The following POLR3D variants were observed in gnomAD, a reference collection of about 807,000 sequenced individuals.
The protein encoded by POLR3D is RNA polymerase III subunit D.
POLR3D carries 42 observed loss-of-function variants against 44.5 expected under a neutral mutation model. The ratio of observed to expected loss-of-function variants is 0.94; its 90% confidence interval spans 0.74 to 1.22. The LOEUF (loss-of-function observed/expected upper bound fraction) is 1.22, where lower values mean the gene tolerates loss of function less well. POLR3D is among the 50% of genes most tolerant of loss of function. The probability of loss-of-function intolerance (pLI) is 0.00; values close to 1 mark genes in which losing one functional copy is unlikely to be tolerated. For synonymous variants in POLR3D, 217 were observed against 198.1 expected (o/e 1.10, Z -0.80); for missense variants, 507 against 505.2 (o/e 1.00, Z -0.03).
intron 3 of POLR3D, among the ~76,000 whole-genome samples, chr8:22,247,579 C>T (rs1042562468): frequency 6.6e-6 from 1 of 152,132 alleles, no homozygotes; most frequent in Non-Finnish European, 1.5e-5. Flanking sequence ...CACACTTTCC[C>T]TGAAGTTCCT....
chr8:22,245,200 C>T lies in POLR3D; in HGVS notation c.-6+17C>T. ...GCGTTGCAGGTGAGGTTGTGACGCG[C>T]GGTGTGGAGCCGCGGCCCGGGTGCG... On this transcript the variant is annotated intron_variant, in intron 1 of 8. Coordinates refer to ENST00000306433, the MANE Select transcript of POLR3D (RefSeq NM_001722.3). 1.8e-6 allele frequency: 1 copy of T among 564,574 alleles called. No homozygotes were observed. Among genetic ancestry groups the T allele is most frequent in the Non-Finnish European group, 3.2e-6 (1 of 309,142 alleles). The allele number at this position is 564,574 out of a possible 1,614,324, so 35.0% of individuals were successfully genotyped here.
intron 3 of POLR3D, 58 bp downstream of exon 3, chr8:22,247,322 C>A: frequency 7.4e-7 from 1 of 1,355,506 alleles, no homozygotes; most frequent in Non-Finnish European, 1.0e-6. Context: ...GAATTTGGGG[C>A]TTTGGGGGAA....
chr8:22,246,166 C>A (rs1002475428), intron 2 of POLR3D, among the ~76,000 whole-genome samples: 15 of 152,182 alleles, frequency 9.9e-5, no homozygotes, highest in Admixed American at 2.0e-4. Flanking sequence ...TCGCCGTTGT[C>A]CCCCAGGCTG....
At position 22,248,192 on chromosome 8, in the gene POLR3D, CCTT is replaced by C; in HGVS notation, c.403_405del (p.Ser135del). The C allele has an allele frequency of 6.2e-7, 1 of 1,614,078 alleles. No individual in the cohort carries two copies. Among genetic ancestry groups the C allele is most frequent in the Non-Finnish European group, 8.5e-7 (1 of 1,179,974 alleles). ...GACAGTGGATGTGTCAGACATGGGACCTTCTCATATCATCAACATCAAAAAAGA... is the reference window on the plus strand; with the variant it reads ...GACAGTGGATGTGTCAGACATGGGACCTCATATCATCAACATCAAAAAAGA... On this transcript the variant is annotated inframe_deletion, in exon 5 of 9. Transcript: ENST00000306433.
At chr8:22,247,384 A>C in intron 3 of POLR3D, 120 bp downstream of exon 3, 1 of 697,422 alleles carries the variant, frequency 1.4e-6, no homozygotes, top group Non-Finnish European at 2.5e-6. Context: ...AGTTCTTTTC[A>C]CTAGTGATTT....
intron 2 of POLR3D, 112 bp from the exon 3 acceptor site, chr8:22,247,109 G>A: frequency 8.2e-6 from 6 of 728,044 alleles, no homozygotes; most frequent in Admixed American, 2.3e-5. Context: ...ATGTGCCAAC[G>A]AGAGCCGTGG....
rs868459368 is a variant in POLR3D, at chr8:22,249,192, T to C, written c.804T>C (p.Phe268=). 6.2e-7 allele frequency: 1 copy of C among 1,614,020 alleles called. No individual in the cohort carries two copies. The highest frequency in any genetic ancestry group is 1.6e-4 in the Middle Eastern group (1 of 6,062). ...LSLTKEEELL[F]LQLPDTLPGQ... is the part of the protein sequence containing the mutation. ...TCACCAAGGAAGAGGAACTGCTGTT[T>C]CTGCAGCTGCCAGACACCCTCCCTG... The change falls in exon 7 of 9, where the codon TTT becomes TTC. Residue 268 remains phenylalanine, a synonymous_variant. Coordinates refer to ENST00000306433, the MANE Select transcript of POLR3D (RefSeq NM_001722.3).
In POLR3D at chr8:22,251,525, A is replaced by G. The variant is rs1051498873; in HGVS notation, c.*1007A>G. The G allele has an allele frequency of 6.5e-6, 1 of 153,746 alleles. No homozygotes were observed. Among genetic ancestry groups the G allele is most frequent in the Non-Finnish European group, 1.5e-5 (1 of 68,042 alleles). The allele number at this position is 153,746 out of a possible 1,614,324, so 9.5% of individuals were successfully genotyped here. A position where few individuals can be genotyped will look rare whatever the true frequency, so the allele number is the denominator to read the frequency against. ...TGAGCCGAAGTCATATATTGCTAAC[A>G]AAAAAACTAAATCCTTCATAAGAGA... is the stretch of plus-strand genomic sequence containing the variant. On this transcript the variant is annotated 3_prime_UTR_variant, in exon 9 of 9. Coordinates refer to ENST00000306433, the MANE Select transcript of POLR3D (RefSeq NM_001722.3).
chr8:22,248,725 C>A, intron 6 of POLR3D, 76 bp downstream of exon 6: 2 of 1,417,184 alleles, frequency 1.4e-6, no homozygotes, highest in Non-Finnish European at 2.0e-6. Context: ...GCATCCCTTG[C>A]ATGTGCCCCT....
Position 22,247,152 on chromosome 8 carries a change from A to T in POLR3D, c.166-69A>T, listed in dbSNP as rs1404666502. The stretch of plus-strand genomic sequence containing the variant: ...GGTCTGTAGAAGATGCCCTTTGGGA[A>T]TTTTTATTTTCCTCTGTACTTTGGG... On this transcript the variant is annotated intron_variant, in intron 2 of 8. Coordinates refer to ENST00000306433, the MANE Select transcript of POLR3D (RefSeq NM_001722.3). 7.2e-6 allele frequency: 9 copies of T among 1,245,628 alleles called. No individual in the cohort carries two copies. In the Admixed American group the frequency reaches 1.7e-4, roughly 23 times the overall value. The allele number at this position is 1,245,628 out of a possible 1,614,324, so 77.2% of individuals were successfully genotyped here.
chr8:22,253,770 G>A lies in POLR3D; in HGVS notation c.*3252G>A, dbSNP rs1183165991. The A allele has an allele frequency of 1.3e-5, 2 of 152,150 alleles. No homozygotes were observed. The highest frequency in any genetic ancestry group is 2.9e-5 in the Non-Finnish European group (2 of 68,048). The allele number at this position is 152,150 out of a possible 1,614,324, so 9.4% of individuals were successfully genotyped here. A position where few individuals can be genotyped will look rare whatever the true frequency, so the allele number is the denominator to read the frequency against. ...TGGCTTACTGCAACTCTGTCTCCCA[G>A]GTTCAAGTGATCCTCCCGCCTCAGC... On this transcript the variant is annotated 3_prime_UTR_variant, in exon 9 of 9. Coordinates refer to ENST00000306433, the MANE Select transcript of POLR3D (RefSeq NM_001722.3).
At chr8:22,245,725 C>T (rs1369541730) in intron 2 of POLR3D, 111 bp downstream of exon 2, 8 of 657,180 alleles carry the variant, frequency 1.2e-5, no homozygotes, top group Non-Finnish European at 1.5e-5. Flanking sequence ...CGTTGGGCCT[C>T]TCAAGCCTAC....
In POLR3D at chr8:22,245,164, G is replaced by A; in HGVS notation, c.-25G>A. 1.7e-6 allele frequency: 1 copy of A among 591,160 alleles called. No individual in the cohort carries two copies. The highest frequency in any genetic ancestry group is 3.2e-6 in the Non-Finnish European group (1 of 313,024). The allele number at this position is 591,160 out of a possible 1,614,324, so 36.6% of individuals were successfully genotyped here. On this transcript the variant is annotated 5_prime_UTR_variant, in exon 1 of 9. Coordinates refer to ENST00000306433, the MANE Select transcript of POLR3D (RefSeq NM_001722.3). ...CCGCCCGGCGCGGAGACCGAAGGCT[G>A]GCGGCTGGTCGCGTTGCAGGTGAGG...
intron 5 of POLR3D, 57 bp downstream of exon 5, chr8:22,248,335 TG>T: frequency 6.3e-7 from 1 of 1,597,156 alleles, no homozygotes; most frequent in Non-Finnish European, 8.5e-7. Context: ...ACAGGGCTTC[TG>T]GGGAGCCAGG....
chr8:22,248,414 G>T, intron 5 of POLR3D, 67 bp from the exon 6 acceptor site: 1 of 1,586,626 alleles, frequency 6.3e-7, no homozygotes, highest in Non-Finnish European at 8.6e-7. Flanking sequence ...GTTAGAAAGG[G>T]ACTAAAGCAG....
chr8:22,248,204 A>T lies in POLR3D; in HGVS notation c.412A>T (p.Ile138Phe). The change falls in exon 5 of 9, where the codon ATC becomes TTC. Residue 138 changes from isoleucine (I) to phenylalanine (F), a missense_variant. Physicochemically the swap from Ile to Phe is conservative, Grantham distance 21. Transcript: ENST00000306433. Reference sequence around the variant, plus strand: ...GTCAGACATGGGACCTTCTCATATCATCAACATCAAAAAAGAGAAGAGAGA... The same window carrying T: ...GTCAGACATGGGACCTTCTCATATCTTCAACATCAAAAAAGAGAAGAGAGA... ...DVSDMGPSHI[I>F]NIKKEKRETD... is the part of the protein sequence containing the mutation. 1 of 1,614,168 alleles carries T rather than the reference A, an allele frequency of 6.2e-7. No individual in the cohort carries two copies. The highest frequency in any genetic ancestry group is 8.5e-7 in the Non-Finnish European group (1 of 1,180,006).
At position 22,253,340 on chromosome 8, in the gene POLR3D, CCT is replaced by C. The variant is rs766439406; in HGVS notation, c.*2823_*2824del. Reference sequence around the variant, plus strand: ...CGTCAGCAGCTCCAGCAACCTCCCCCCTGTCTCTTTATAGAGTGGGGCCACGT... The same window carrying C: ...CGTCAGCAGCTCCAGCAACCTCCCCCGTCTCTTTATAGAGTGGGGCCACGT... On this transcript the variant is annotated 3_prime_UTR_variant, in exon 9 of 9. Coordinates refer to ENST00000306433, the MANE Select transcript of POLR3D (RefSeq NM_001722.3). 13 of 152,406 alleles carry C rather than the reference CCT, an allele frequency of 8.5e-5. No individual in the cohort carries two copies. The highest frequency in any genetic ancestry group is 1.9e-4 in the East Asian group (1 of 5,188). 9.4% of individuals were successfully genotyped at this position (152,406 alleles called of 1,614,324 possible). A position where few individuals can be genotyped will look rare whatever the true frequency, so the allele number is the denominator to read the frequency against.
intron 1 of POLR3D, 43 bp from the exon 2 acceptor site, chr8:22,245,402 G>C: frequency 7.7e-7 from 1 of 1,305,048 alleles, no homozygotes; most frequent in Non-Finnish European, 9.8e-7. Context: ...CAGGGTCCGC[G>C]TGTCAGTCCC....
At chr8:22,245,738 C>T (rs548956667) in intron 2 of POLR3D, 124 bp downstream of exon 2, 1 of 579,188 alleles carries the variant, frequency 1.7e-6, no homozygotes, top group East Asian at 3.5e-5. Context: ...AAGCCTACCC[C>T]TCTTTAAATT....
Sources: allele counts gnomAD v4.1 joint callset (sites outside exome capture counted in the v4.1 genomes callset), GRCh38; gene constraint gnomAD v4.1.1; transcripts MANE v1.5; gene names NCBI Gene and HGNC (gene_info 2026-07-23, HGNC 2026-07-21).